HBS1L: variants seen among roughly 807,000 people sequenced by gnomAD.
HBS1L encodes the protein HBS1-like protein.
In HBS1L, 55 loss-of-function variants were observed where a neutral mutation model predicts 88.9. That is an observed-to-expected ratio of 0.62 (90% CI 0.50 to 0.77). The LOEUF is 0.77. Among genes scored for constraint, HBS1L ranks in the 30% least tolerant of loss-of-function variants. The pLI is 0.00. For synonymous variants in HBS1L, 267 were observed against 288.5 expected (o/e 0.93, Z 0.76); for missense variants, 741 against 829.3 (o/e 0.89, Z 1.31).
At chr6:135,005,688 T>C (rs956241207) in intron 4 of HBS1L, among the ~76,000 whole-genome samples, 1 of 152,096 alleles carries the variant, frequency 6.6e-6, no homozygotes, top group Admixed American at 6.6e-5. Flanking sequence ...TACGAAGAGA[T>C]CATCAATATT....
chr6:135,037,190 G>A (rs1776580801), intron 4 of HBS1L: 1 of 1,551,792 alleles, frequency 6.4e-7, no homozygotes, highest in South Asian at 1.2e-5. Flanking sequence ...GGTGAAGACT[G>A]ACAGCGATTT....
intron 15 of HBS1L, among the ~76,000 whole-genome samples, chr6:134,975,947 G>T (rs539034017): frequency 2.0e-5 from 3 of 152,056 alleles, no homozygotes; most frequent in Non-Finnish European, 2.9e-5. Context: ...GCACAGCAAA[G>T]AAATCCTGAA....
intron 2 of HBS1L, among the ~76,000 whole-genome samples, chr6:135,045,257 T>C (rs1776877241): frequency 6.6e-6 from 1 of 151,962 alleles, no homozygotes; most frequent in African/African-American, 2.4e-5. Flanking sequence ...GATGAGAAAA[T>C]GGTAAATACA....
intron 15 of HBS1L, among the ~76,000 whole-genome samples, chr6:134,974,706 C>T (rs1368687123): frequency 6.6e-6 from 1 of 151,282 alleles, no homozygotes; most frequent in Non-Finnish European, 1.5e-5. Context: ...AGATAAAATC[C>T]AGGATCCCTT....
chr6:134,986,924 T>G (rs927825169), intron 9 of HBS1L, 114 bp from the exon 10 acceptor site: 1 of 386,062 alleles, frequency 2.6e-6, no homozygotes, highest in Non-Finnish European at 4.5e-6. Flanking sequence ...ATAAAATCTA[T>G]TAAAATCAAA....
rs1776233991 is a variant in HBS1L, at chr6:135,026,628, A to C, written c.430+12945T>G. 3.3e-5 allele frequency among the ~76,000 whole-genome samples: 5 copies of C among 152,148 alleles called. No individual in the cohort carries two copies. The South Asian group carries it at 1.0e-3, about 32-fold the overall frequency. ...TACAACTAAACCAAAGTCACTCAAA[A>C]CACTAAAAGCAAAAGAAGGGATGAA... On this transcript the variant is annotated intron_variant, in intron 4 of 17. Transcript: ENST00000367837.
rs556535737 is a variant in HBS1L at position 134,966,246 on chromosome 6, T to C, written c.2043+83A>G. 1.0e-4 allele frequency: 130 copies of C among 1,243,910 alleles called. 1 individual carries two copies. The highest frequency in any genetic ancestry group is 5.9e-4 in the Middle Eastern group (3 of 5,084). 77.1% of individuals were successfully genotyped at this position (1,243,910 alleles called of 1,614,324 possible). ...AATGCTTTTTCTTTCATTCCCTCAA[T>C]GCTTTCTTTTCATTCCTAAAAGGTA... On this transcript the variant is annotated intron_variant, in intron 17 of 17. Transcript: ENST00000367837.
intron 16 of HBS1L, among the ~76,000 whole-genome samples, chr6:134,968,239 GA>G (rs34363018): frequency 0.12 from 17,469 of 151,256 alleles, 1,412 homozygotes; most frequent in East Asian, 0.27. Flanking sequence ...ATTTGGGTAA[GA>G]AATCTTTTTT....
chr6:134,985,945 A>C (rs1325883300), intron 11 of HBS1L, 121 bp downstream of exon 11: 7 of 627,932 alleles, frequency 1.1e-5, no homozygotes, highest in Non-Finnish European at 2.0e-5. Context: ...CAGGTAACTT[A>C]GTTCCTCCGA....
chr6:134,986,506 T>C (rs1291386256), intron 10 of HBS1L, among the ~76,000 whole-genome samples: 1 of 152,016 alleles, frequency 6.6e-6, no homozygotes, highest in Non-Finnish European at 1.5e-5. Flanking sequence ...ATTTAATAGG[T>C]AGGGTAAAAA....
Position 135,037,189 on chromosome 6 carries a change from T to C in HBS1L, c.430+2384A>G, listed in dbSNP as rs1776580699. On this transcript the variant is annotated intron_variant, in intron 4 of 17. Coordinates refer to ENST00000367837, the MANE Select transcript of HBS1L (RefSeq NM_006620.4). The stretch of plus-strand genomic sequence containing the variant: ...TAATTCTGATATTCCGGGTGAAGAC[T>C]GACAGCGATTTGCTAATTGTGACAG... 3 of 1,551,666 alleles carry C rather than the reference T, an allele frequency of 1.9e-6. No individual in the cohort carries two copies. The African/African-American group carries it at 4.1e-5, about 21-fold the overall frequency.
rs1457881384 is a variant in HBS1L at position 134,963,027 on chromosome 6, A to G, written c.*2252T>C. On this transcript the variant is annotated 3_prime_UTR_variant, in exon 18 of 18. Transcript: ENST00000367837. ...AAGGAAGGAATGAATAAATGCATTC[A>G]TTTCTACTACTATTTGTTTATGCTA... 1 of 152,258 alleles carries G rather than the reference A, an allele frequency of 6.6e-6. No individual in the cohort carries two copies. Among genetic ancestry groups the G allele is most frequent in the East Asian group, 1.9e-4 (1 of 5,200 alleles). 9.4% of individuals were successfully genotyped at this position (152,258 alleles called of 1,614,324 possible).
chr6:135,034,537 G>C (rs778092824), intron 4 of HBS1L, among the ~76,000 whole-genome samples: 1 of 152,246 alleles, frequency 6.6e-6, no homozygotes, highest in Non-Finnish European at 1.5e-5. Flanking sequence ...CCAGCTACTC[G>C]GGGGGCTGAC....
intron 4 of HBS1L, among the ~76,000 whole-genome samples, chr6:135,012,113 T>C (rs1002614720): frequency 6.6e-6 from 1 of 152,114 alleles, no homozygotes; most frequent in African/African-American, 2.4e-5. Context: ...CAACAGTATA[T>C]GAATGATATT....
Position 134,985,381 on chromosome 6 carries a change from A to C in HBS1L, c.1452T>G (p.Ile484Met). 6.2e-7 allele frequency: 1 copy of C among 1,606,838 alleles called. No individual in the cohort carries two copies. Among genetic ancestry groups the C allele is most frequent in the Non-Finnish European group, 8.5e-7 (1 of 1,176,844 alleles). The part of the protein sequence containing the change: ...IDSFKPPQRS[I>M]DKPFRLCVSD... ...ACACACATAATCTAAAAGGTTTGTCAATAGATCGCTGGGGAGGCTTAAAGG... is the reference window on the plus strand; with the variant it reads ...ACACACATAATCTAAAAGGTTTGTCCATAGATCGCTGGGGAGGCTTAAAGG... The change falls in exon 12 of 18, where the codon ATT (isoleucine) becomes ATG (methionine). Residue 484 changes from isoleucine (I) to methionine (M), a missense_variant. Ile to Met is a conservative substitution (Grantham distance 10). This residue lies in a region of HBS1L where 556 missense variants were observed against 598.4 expected (regional missense o/e 0.93). Coordinates refer to ENST00000367837, the MANE Select transcript of HBS1L (RefSeq NM_006620.4).
chr6:135,022,659 G>T (rs1458776571), intron 4 of HBS1L, among the ~76,000 whole-genome samples: 2 of 151,964 alleles, frequency 1.3e-5, no homozygotes, highest in Non-Finnish European at 2.9e-5. Context: ...AAAATACTCA[G>T]TGATGAATAA....
At chr6:135,009,758 C>T (rs1040577129) in intron 4 of HBS1L, among the ~76,000 whole-genome samples, 1 of 151,768 alleles carries the variant, frequency 6.6e-6, no homozygotes, top group African/African-American at 2.4e-5. Context: ...CTCAGCCTCC[C>T]GAGTAGCTGG....
At chr6:134,990,837 C>T (rs1331534024) in intron 8 of HBS1L, among the ~76,000 whole-genome samples, 1 of 152,172 alleles carries the variant, frequency 6.6e-6, no homozygotes, top group Non-Finnish European at 1.5e-5. Flanking sequence ...CAGGCGTGAG[C>T]CTCCACACCT....
chr6:134,988,776 A>T (rs1047868079), intron 8 of HBS1L, among the ~76,000 whole-genome samples: 6 of 152,202 alleles, frequency 3.9e-5, no homozygotes, highest in African/African-American at 1.2e-4. Flanking sequence ...AGAACTTAAA[A>T]ATTACACATA....
Sources: allele counts gnomAD v4.1 joint callset (sites outside exome capture counted in the v4.1 genomes callset), GRCh38; gene constraint gnomAD v4.1.1; regional missense constraint gnomAD v4.1.1; transcripts MANE v1.5; gene names NCBI Gene and HGNC (gene_info 2026-07-23, HGNC 2026-07-21).